The following CRACR2A variants were observed in gnomAD, a reference collection of about 807,000 sequenced individuals.
CRACR2A encodes the protein calcium release activated channel regulator 2A.
CRACR2A carries 79 observed loss-of-function variants against 90.5 expected under a neutral mutation model. That is an observed-to-expected ratio of 0.87 (90% CI 0.73 to 1.05). The LOEUF (loss-of-function observed/expected upper bound fraction) is 1.05, where lower values mean the gene tolerates loss of function less well. Ranked by LOEUF, CRACR2A falls within the 50% of genes least tolerant of loss-of-function variation. CRACR2A has a pLI of 0.00. For missense variants in CRACR2A, 823 were observed against 897.2 expected, an observed-to-expected ratio of 0.92 and a Z score of 1.06; for synonymous variants, 338 against 356.7, an observed-to-expected ratio of 0.95 and a Z score of 0.59.
intron 7 of CRACR2A, among the ~76,000 whole-genome samples, chr12:3,660,340 G>A (rs902999366): frequency 6.6e-6 from 1 of 152,188 alleles, no homozygotes; most frequent in Non-Finnish European, 1.5e-5. Flanking sequence ...CAGACAGTGT[G>A]AGACAGGCGA....
intron 3 of CRACR2A, among the ~76,000 whole-genome samples, chr12:3,710,797 AAAAAAAAAG>A (rs1420068583): frequency 6.9e-6 from 1 of 145,828 alleles, no homozygotes; most frequent in Non-Finnish European, 1.5e-5. Flanking sequence ...ACCGCAAAAA[AAAAAAAAAG>A]AAAGAAAGAA....
rs374373169 is a variant in CRACR2A, at chr12:3,640,753, G to A, written c.1271+979C>T. 6.4e-4 allele frequency: 829 copies of A among 1,305,178 alleles called. 2 individuals are homozygous for A. Among genetic ancestry groups the A allele is most frequent in the Non-Finnish European group, 8.0e-4 (792 of 988,948 alleles). 80.8% of individuals were successfully genotyped at this position (1,305,178 alleles called of 1,614,324 possible). ...TCTCTGGGTCTGATACTGAAGAGTC[G>A]GGATGCCTCTATCTCTCTGTGGCCA... On this transcript the variant is annotated intron_variant, in intron 13 of 19. Transcript: ENST00000440314.
At chr12:3,616,399 T>C (rs542507287) in intron 19 of CRACR2A, among the ~76,000 whole-genome samples, 1 of 152,310 alleles carries the variant, frequency 6.6e-6, no homozygotes, top group East Asian at 1.9e-4. Flanking sequence ...CATGGTTTTG[T>C]TGTTTAAATT....
At chr12:3,648,889 G>C (rs1424691809) in intron 10 of CRACR2A, among the ~76,000 whole-genome samples, 1 of 152,092 alleles carries the variant, frequency 6.6e-6, no homozygotes, top group African/African-American at 2.4e-5. Context: ...ACTGAACCAG[G>C]GTCCCCTCCT....
At chr12:3,654,156 C>T (rs527329654) in intron 10 of CRACR2A, 56 bp downstream of exon 10, 2 of 1,582,784 alleles carry the variant, frequency 1.3e-6, no homozygotes, top group East Asian at 2.2e-5. Context: ...GGGACATGCC[C>T]ATAGTGGGGA....
At chr12:3,668,790 T>C (rs1353568359) in intron 7 of CRACR2A, among the ~76,000 whole-genome samples, 1 of 152,164 alleles carries the variant, frequency 6.6e-6, no homozygotes, top group African/African-American at 2.4e-5. Context: ...GGAATCACCA[T>C]GGACCGGAAG....
intron 7 of CRACR2A, among the ~76,000 whole-genome samples, chr12:3,669,350 GAAAT>G (rs983045972): frequency 6.6e-5 from 10 of 152,204 alleles, no homozygotes; most frequent in Admixed American, 1.3e-4. Context: ...CCATGGCAAA[GAAAT>G]TCCCAATTCT....
chr12:3,679,161 T>C (rs1945398949), intron 5 of CRACR2A, 63 bp from the exon 6 acceptor site: 1 of 1,437,022 alleles, frequency 7.0e-7, no homozygotes. Context: ...AGCTCAGCTT[T>C]CTCACCTGCC....
chr12:3,681,942 AGAGT>A (rs1491001800), intron 4 of CRACR2A, among the ~76,000 whole-genome samples: 2 of 152,220 alleles, frequency 1.3e-5, no homozygotes, highest in Admixed American at 1.3e-4. Flanking sequence ...AAAAGGAAGG[AGAGT>A]GAGAGAGAGT....
At chr12:3,726,479 T>C (rs1339956980) in intron 2 of CRACR2A, 5 of 152,088 alleles carry the variant, frequency 3.3e-5, no homozygotes, top group Non-Finnish European at 7.4e-5. Context: ...AGCCACTTCA[T>C]ATAAGAAGTA....
chr12:3,647,837 T>C (rs1260506007), intron 11 of CRACR2A: 2 of 984,176 alleles, frequency 2.0e-6, no homozygotes, highest in Admixed American at 6.2e-5. Context: ...CCCCAAGAGG[T>C]GCTCAGCAGG....
chr12:3,646,683 A>G (rs1250233300), intron 11 of CRACR2A, among the ~76,000 whole-genome samples: 2 of 152,118 alleles, frequency 1.3e-5, no homozygotes, highest in Non-Finnish European at 2.9e-5. Context: ...TGCCAGAGGG[A>G]TCCTCGCTCC....
At chr12:3,638,005 T>C (rs1740147109) in intron 14 of CRACR2A, 119 bp downstream of exon 14, 6 of 979,674 alleles carry the variant, frequency 6.1e-6, no homozygotes, top group Non-Finnish European at 8.9e-6. Context: ...ACATATGTGG[T>C]GAATCATAAG....
intron 1 of CRACR2A, among the ~76,000 whole-genome samples, chr12:3,747,653 T>C (rs1346933805): frequency 6.6e-6 from 1 of 152,228 alleles, no homozygotes; most frequent in Non-Finnish European, 1.5e-5. Flanking sequence ...GCACTGGTAA[T>C]TGGGTCATGG....
At position 3,619,265 on chromosome 12, in the gene CRACR2A, C is replaced by G. The variant is rs374686212; in HGVS notation, c.2034+6G>C. 172 of 1,550,054 alleles carry G rather than the reference C, an allele frequency of 1.1e-4. 3 individuals are homozygous for G. The East Asian group carries it at 1.5e-3, about 13-fold the overall frequency. ...GTCCAGAGAGATGGAAATGCTTGCT[C>G]TTTACCGTGGCAAGCTGCTCTCCGA... is the stretch of plus-strand genomic sequence containing the variant. On this transcript the variant is annotated splice_donor_region_variant and intron_variant, in intron 18 of 19. Transcript: ENST00000440314.
At chr12:3,748,442 C>T (rs537135047) in intron 1 of CRACR2A, among the ~76,000 whole-genome samples, 46 of 152,296 alleles carry the variant, frequency 3.0e-4, no homozygotes, top group African/African-American at 8.7e-4. Context: ...GAAAGTGTCC[C>T]GCTGGCATTC....
chr12:3,722,116 A>G (rs1168778881), intron 2 of CRACR2A, among the ~76,000 whole-genome samples: 1 of 152,202 alleles, frequency 6.6e-6, no homozygotes, highest in Admixed American at 6.5e-5. Context: ...GAAGTCAGGG[A>G]TCATGGCTTA....
intron 11 of CRACR2A, among the ~76,000 whole-genome samples, 161 bp from the exon 12 acceptor site, chr12:3,644,801 G>T (rs1243327155): frequency 1.3e-5 from 2 of 152,194 alleles, no homozygotes; most frequent in African/African-American, 4.8e-5. Flanking sequence ...AATGGTAGAG[G>T]ATAGTTTTTG....
chr12:3,649,135 A>G (rs945330258), intron 10 of CRACR2A, among the ~76,000 whole-genome samples: 1 of 152,098 alleles, frequency 6.6e-6, no homozygotes, highest in African/African-American at 2.4e-5. Context: ...ATGCTAAATG[A>G]CGAGTTAATG....
Sources: gnomAD v4.1 joint callset for allele counts (sites outside exome capture counted in the v4.1 genomes callset) on GRCh38, gnomAD v4.1.1 for gene constraint, MANE v1.5 for transcripts, NCBI Gene and HGNC (gene_info 2026-07-23, HGNC 2026-07-21) for gene names.